Variants in CIMIP2A observed in about 807,000 individuals in gnomAD.
The protein encoded by CIMIP2A is ciliary microtubule inner protein 2A, also known as family with sequence similarity 166 member A.
the CIMIP2A span, chr9:137,244,997 G>T: frequency 5.0e-6 from 8 of 1,608,326 alleles, no homozygotes; most frequent in Non-Finnish European, 6.8e-6. Context: ...GGAAAAGTGG[G>T]CCCCTGTGGC....
the CIMIP2A span, chr9:137,244,381 A>C: frequency 6.9e-6 from 11 of 1,589,708 alleles, no homozygotes; most frequent in Non-Finnish European, 9.4e-6. Flanking sequence ...GAGGGCCGGC[A>C]CTCCGTGGGA....
At chr9:137,252,140 G>T in the CIMIP2A span, 8 of 1,603,826 alleles carry the variant, frequency 5.0e-6, no homozygotes, top group Admixed American at 1.7e-5. Context: ...GCCGAGGTGT[G>T]TGTCCCCTCC....
chr9:137,253,671 G>T, the CIMIP2A span, among the ~76,000 whole-genome samples: 4 of 152,314 alleles, frequency 2.6e-5, no homozygotes, highest in South Asian at 8.3e-4. Context: ...TGGGAGGTGG[G>T]CTCTGTGGGA....
At chr9:137,246,555 A>C in the CIMIP2A span, among the ~76,000 whole-genome samples, 1 of 152,010 alleles carries the variant, frequency 6.6e-6, no homozygotes, top group African/African-American at 2.4e-5. Flanking sequence ...CGAGGTCAGG[A>C]GATCAAGACC....
the CIMIP2A span, among the ~76,000 whole-genome samples, chr9:137,247,272 C>T: frequency 5.3e-5 from 8 of 152,262 alleles, 1 homozygote; most frequent in South Asian, 1.0e-3. Context: ...GTAATAAGAG[C>T]GAAACTCTGT....
At chr9:137,252,412 C>G in the CIMIP2A span, 1 of 1,600,594 alleles carries the variant, frequency 6.2e-7, no homozygotes, top group Non-Finnish European at 8.5e-7. Flanking sequence ...TCCCAGCCTT[C>G]TCTCTCTCCA....
the CIMIP2A span, chr9:137,252,926 A>G: frequency 1.2e-6 from 2 of 1,600,328 alleles, no homozygotes; most frequent in African/African-American, 1.3e-5. Context: ...GGCCTTCTCG[A>G]TGAGCCGCTC....
the CIMIP2A span, chr9:137,252,572 G>T: frequency 6.7e-7 from 1 of 1,501,484 alleles, no homozygotes; most frequent in Non-Finnish European, 9.0e-7. Context: ...GCAGGCAGGG[G>T]GCTGGGGGTT....
chr9:137,254,023 T>C, the CIMIP2A span, among the ~76,000 whole-genome samples: 1 of 150,768 alleles, frequency 6.6e-6, no homozygotes, highest in Non-Finnish European at 1.5e-5. Context: ...GGGGCCTCCC[T>C]TGTCATCACT....
chr9:137,247,709 T>C, the CIMIP2A span: 1 of 1,613,428 alleles, frequency 6.2e-7, no homozygotes, highest in Admixed American at 1.7e-5. Context: ...TTCTGAGTAG[T>C]TGTCATTTTG....
At chr9:137,254,482 C>A in the CIMIP2A span, among the ~76,000 whole-genome samples, 1 of 152,182 alleles carries the variant, frequency 6.6e-6, no homozygotes, top group South Asian at 2.1e-4. Flanking sequence ...AAAGATGGAG[C>A]GATCTCCTCC....
the CIMIP2A span, among the ~76,000 whole-genome samples, chr9:137,247,114 C>T: frequency 1.3e-5 from 2 of 152,182 alleles, no homozygotes; most frequent in African/African-American, 4.8e-5. Flanking sequence ...AAAGAAACCT[C>T]GTCCCTACTA....
At chr9:137,252,007 AG>A in the CIMIP2A span, 2 of 1,611,138 alleles carry the variant, frequency 1.2e-6, no homozygotes, top group Admixed American at 3.3e-5. Flanking sequence ...CCAGTGCTGG[AG>A]CAACGCCCCC....
At chr9:137,245,757 G>T in the CIMIP2A span, 1 of 1,583,586 alleles carries the variant, frequency 6.3e-7, no homozygotes, top group Non-Finnish European at 8.6e-7. Context: ...CAGAGCAGGG[G>T]CTCTTCTGCA....
the CIMIP2A span, among the ~76,000 whole-genome samples, chr9:137,246,535 G>A: frequency 7.2e-5 from 11 of 152,142 alleles, no homozygotes; most frequent in Admixed American, 2.0e-4. Flanking sequence ...AGGCTGAGGC[G>A]GGCGGATCAC....
the CIMIP2A span, among the ~76,000 whole-genome samples, chr9:137,247,419 C>T: frequency 6.6e-6 from 1 of 152,268 alleles, no homozygotes; most frequent in African/African-American, 2.4e-5. Flanking sequence ...CACCAGGTAT[C>T]GAGTTCGCAG....
At chr9:137,254,351 G>A in the CIMIP2A span, among the ~76,000 whole-genome samples, 2 of 152,162 alleles carry the variant, frequency 1.3e-5, no homozygotes, top group South Asian at 4.1e-4. Flanking sequence ...CCAGCGGCAA[G>A]AGAGCTGTGG....
the CIMIP2A span, chr9:137,251,842 C>A: frequency 6.2e-7 from 1 of 1,607,254 alleles, no homozygotes; most frequent in Non-Finnish European, 8.5e-7. Flanking sequence ...AGGTTACAGA[C>A]GGGCACCCCC....
At chr9:137,244,780 C>T in the CIMIP2A span, 133 of 1,599,854 alleles carry the variant, frequency 8.3e-5, no homozygotes, top group South Asian at 1.8e-4. Flanking sequence ...CCCCCTTAGC[C>T]TTCCCCTGGG....
Sources: gnomAD v4.1 joint callset for allele counts (sites outside exome capture counted in the v4.1 genomes callset) on GRCh38, gnomAD v4.1.1 for gene constraint, MANE v1.5 for transcripts, NCBI Gene and HGNC (gene_info 2026-07-23, HGNC 2026-07-21) for gene names.